CSNK1G3: variants seen among roughly 807,000 people sequenced by gnomAD.
CSNK1G3 encodes the protein casein kinase 1 gamma 3, also known as casein kinase I isoform gamma-3.
A neutral mutation model predicts 64.3 loss-of-function variants in CSNK1G3; 23 were observed. The ratio of observed to expected loss-of-function variants is 0.36; its 90% CI spans 0.26 to 0.51. The LOEUF is 0.51. Among genes scored for constraint, CSNK1G3 ranks in the 20% least tolerant of loss-of-function variants. CSNK1G3 has a pLI of 0.96. For missense variants in CSNK1G3, 357 were observed against 510.5 expected (o/e 0.70, Z 2.90); for synonymous variants, 158 against 162.2 (o/e 0.97, Z 0.20).
intron 2 of CSNK1G3, 73 bp from the exon 3 acceptor site, chr5:123,553,034 C>G: frequency 2.5e-6 from 2 of 805,954 alleles, no homozygotes; most frequent in East Asian, 6.0e-5. Context: ...TGCTTTTTTT[C>G]AGAGTACAGT....
At chr5:123,545,644 T>G (rs374355054) in exon 2 of CSNK1G3, 43 of 1,605,634 alleles carry the variant, frequency 2.7e-5, no homozygotes, top group Non-Finnish European at 3.5e-5. Flanking sequence ...GAATTCAAAG[T>G]GGAGTACCGC....
intron 4 of CSNK1G3, among the ~76,000 whole-genome samples, chr5:123,571,657 T>C (rs1332254937): frequency 6.6e-6 from 1 of 152,188 alleles, no homozygotes; most frequent in African/African-American, 2.4e-5. Context: ...TGTCCTGCAA[T>C]GATTTATATT....
At chr5:123,589,337 T>C in intron 8 of CSNK1G3, among the ~76,000 whole-genome samples, 1 of 152,302 alleles carries the variant, frequency 6.6e-6, no homozygotes, top group Admixed American at 6.5e-5. Flanking sequence ...TGCTATAATA[T>C]CTAGAAGTAG....
chr5:123,578,353 A>G (rs1789573913), intron 6 of CSNK1G3, among the ~76,000 whole-genome samples: 1 of 151,730 alleles, frequency 6.6e-6, no homozygotes. Context: ...CATTGTAGCT[A>G]TTCTAGTGGC....
exon 13 of CSNK1G3, chr5:123,614,554 C>CT: frequency 9.8e-6 from 5 of 511,458 alleles, no homozygotes; most frequent in Non-Finnish European, 6.5e-6. Context: ...GTCTTACATT[C>CT]TTTTTCTTTT....
chr5:123,615,528 A>T (rs946116880), exon 13 of CSNK1G3: 8 of 152,480 alleles, frequency 5.2e-5, no homozygotes, highest in Non-Finnish European at 1.0e-4. Flanking sequence ...TTGATGATTG[A>T]AAAATATTTT....
intron 5 of CSNK1G3, among the ~76,000 whole-genome samples, chr5:123,573,931 C>T (rs1355240951): frequency 2.7e-5 from 4 of 150,114 alleles, no homozygotes; most frequent in Admixed American, 6.7e-5. Flanking sequence ...CTCACTGCAA[C>T]CTCTGCCTCC....
At chr5:123,556,181 A>C (rs1157437158) in intron 3 of CSNK1G3, among the ~76,000 whole-genome samples, 1 of 152,058 alleles carries the variant, frequency 6.6e-6, no homozygotes, top group Middle Eastern at 3.2e-3. Context: ...AAAACTTATA[A>C]GTTTTGCAGT....
At chr5:123,612,622 T>C (rs2897789) in intron 12 of CSNK1G3, among the ~76,000 whole-genome samples, 147,142 of 151,742 alleles carry the variant, frequency 0.97, 71,338 homozygotes, top group East Asian at 0.99. Flanking sequence ...GGATTACAGG[T>C]GCCTGTCACC....
At chr5:123,599,799 C>T (rs939914920) in intron 10 of CSNK1G3, among the ~76,000 whole-genome samples, 14 of 151,596 alleles carry the variant, frequency 9.2e-5, no homozygotes, top group African/African-American at 3.4e-4. Flanking sequence ...ATTTATAGTT[C>T]ATCTAGTTTA....
intron 10 of CSNK1G3, among the ~76,000 whole-genome samples, chr5:123,594,077 G>A (rs181187072): frequency 6.6e-6 from 1 of 152,204 alleles, no homozygotes; most frequent in Admixed American, 6.5e-5. Flanking sequence ...GTGGGGAAGT[G>A]GTTAATGTCT....
In CSNK1G3 at chr5:123,575,040, C is replaced by T. The variant is rs1445631117; in HGVS notation, c.439-689C>T. 2.0e-5 allele frequency among the ~76,000 whole-genome samples: 3 copies of T among 152,128 alleles called. No individual in the cohort carries two copies. The East Asian group carries it at 5.8e-4, about 29-fold the overall frequency. Reference sequence around the variant, plus strand: ...TAACCATGATTATCACTAAATGAAGCAGTTTTATTTTCTTATTTGTAATAC... The same window carrying T: ...TAACCATGATTATCACTAAATGAAGTAGTTTTATTTTCTTATTTGTAATAC... On this transcript the variant is annotated intron_variant, in intron 5 of 12. Coordinates refer to ENST00000345990, the Ensembl canonical transcript of CSNK1G3.
exon 6 of CSNK1G3, chr5:123,575,926 A>G: frequency 6.2e-7 from 1 of 1,612,966 alleles, no homozygotes; most frequent in Non-Finnish European, 8.5e-7. Context: ...TTACAGGAAC[A>G]GCTAGATATA....
chr5:123,588,008 C>G, intron 6 of CSNK1G3, 60 bp from the exon 7 acceptor site: 2 of 1,042,724 alleles, frequency 1.9e-6, no homozygotes, highest in South Asian at 1.4e-5. Context: ...AACAAACTCT[C>G]CATTCTTCCA....
At chr5:123,568,750 A>C (rs888516858) in intron 4 of CSNK1G3, among the ~76,000 whole-genome samples, 1 of 152,184 alleles carries the variant, frequency 6.6e-6, no homozygotes, top group African/African-American at 2.4e-5. Flanking sequence ...TATGTTTGTT[A>C]GCAGTTCCTG....
At chr5:123,519,676 G>T (rs1404827173) in intron 1 of CSNK1G3, among the ~76,000 whole-genome samples, 1 of 152,158 alleles carries the variant, frequency 6.6e-6, no homozygotes, top group Admixed American at 6.5e-5. Context: ...TGGAATTCCA[G>T]TGAGATTGGA....
At chr5:123,526,700 G>A (rs994092521) in intron 1 of CSNK1G3, among the ~76,000 whole-genome samples, 12 of 151,958 alleles carry the variant, frequency 7.9e-5, no homozygotes, top group Non-Finnish European at 1.6e-4. Context: ...CTTTCACTTT[G>A]CAGAATGCAT....
At chr5:123,591,078 G>A (rs1339210088) in intron 9 of CSNK1G3, among the ~76,000 whole-genome samples, 1 of 151,994 alleles carries the variant, frequency 6.6e-6, no homozygotes, top group Non-Finnish European at 1.5e-5. Context: ...TTCTGTAGAT[G>A]TAAAAATAAG....
chr5:123,575,515 C>G (rs953016310), intron 5 of CSNK1G3, among the ~76,000 whole-genome samples: 4 of 152,130 alleles, frequency 2.6e-5, no homozygotes, highest in Non-Finnish European at 5.9e-5. Flanking sequence ...CAAATACTCT[C>G]GTTTAGCAGT....
Sources: gnomAD v4.1 joint callset for allele counts (sites outside exome capture counted in the v4.1 genomes callset) on GRCh38, gnomAD v4.1.1 for gene constraint, MANE v1.5 for transcripts, NCBI Gene and HGNC (gene_info 2026-07-23, HGNC 2026-07-21) for gene names.